Variants in LRPPRC observed in about 807,000 individuals in gnomAD.
LRPPRC encodes the protein leucine rich pentatricopeptide repeat containing.
Under a neutral mutation model 180.3 loss-of-function variants are expected in LRPPRC, and 120 were observed. The ratio of observed to expected loss-of-function variants is 0.67; its 90% CI spans 0.57 to 0.77. The LOEUF (loss-of-function observed/expected upper bound fraction) is 0.77. Among genes scored for constraint, LRPPRC ranks in the 30% least tolerant of loss-of-function variants. LRPPRC has a pLI of 0.00. For missense variants in LRPPRC, 2,012 were observed against 1,657.2 expected (o/e 1.21, Z -3.72); for synonymous variants, 723 against 600.0 (o/e 1.21, Z -3.00).
At chr2:43,909,748 G>A (rs1671192214) in intron 30 of LRPPRC, among the ~76,000 whole-genome samples, 2 of 152,106 alleles carry the variant, frequency 1.3e-5, no homozygotes, top group East Asian at 3.9e-4. Context: ...AACTCACTGA[G>A]ATAGATACAT....
At chr2:43,988,335 T>C (rs35827613) in intron 1 of LRPPRC, among the ~76,000 whole-genome samples, 4 of 151,172 alleles carry the variant, frequency 2.6e-5, no homozygotes, top group Admixed American at 6.6e-5. Flanking sequence ...TCGGGAGTTC[T>C]AGACCAGCCT....
At chr2:43,943,616 G>T in intron 23 of LRPPRC, 71 bp downstream of exon 23, 1 of 1,282,580 alleles carries the variant, frequency 7.8e-7, no homozygotes, top group South Asian at 1.2e-5. Context: ...TATTTATAAA[G>T]TATAATCCGA....
At chr2:43,948,881 GTT>G (rs369333710) in intron 16 of LRPPRC, among the ~76,000 whole-genome samples, 2 of 146,402 alleles carry the variant, frequency 1.4e-5, no homozygotes, top group African/African-American at 5.0e-5. Context: ...TTTCTATACT[GTT>G]TTTTTTTTGT....
intron 35 of LRPPRC, among the ~76,000 whole-genome samples, 189 bp from the exon 36 acceptor site, chr2:43,894,818 C>A (rs1205644746): frequency 6.6e-6 from 1 of 152,098 alleles, no homozygotes; most frequent in East Asian, 1.9e-4. Context: ...CTAAAAGAAA[C>A]CAGCATTTTT....
chr2:43,943,717 C>T lies in LRPPRC; in HGVS notation c.2474G>A (p.Ser825Asn), dbSNP rs768284328. 3 of 1,613,202 alleles carry T rather than the reference C, an allele frequency of 1.9e-6. No individual in the cohort carries two copies. The African/African-American group carries it at 4.0e-5, about 22-fold the overall frequency. ...CAAGTGTACAGTGACCAATGGGAAACTTATGTTGGTGGATGGTTCTGCTAA... is the reference window on the plus strand; with the variant it reads ...CAAGTGTACAGTGACCAATGGGAAATTTATGTTGGTGGATGGTTCTGCTAA... Reference protein sequence around the residue: ...LGLAEPSTNISFPLVTVHLEK... With the variant: ...LGLAEPSTNINFPLVTVHLEK... The change falls in exon 23 of 38, where the codon AGT (serine) becomes AAT (asparagine). Residue 825 changes from serine to asparagine, a missense_variant. Coordinates refer to ENST00000260665, the MANE Select transcript of LRPPRC (RefSeq NM_133259.4).
At chr2:43,978,637 C>T (rs190445545) in intron 3 of LRPPRC, among the ~76,000 whole-genome samples, 1 of 151,756 alleles carries the variant, frequency 6.6e-6, no homozygotes, top group Non-Finnish European at 1.5e-5. Context: ...AATCCTTTTC[C>T]ATTCTGAAAG....
intron 20 of LRPPRC, among the ~76,000 whole-genome samples, chr2:43,946,740 T>C (rs1672694928): frequency 6.6e-6 from 1 of 152,060 alleles, no homozygotes; most frequent in African/African-American, 2.4e-5. Flanking sequence ...TCAATTATAT[T>C]GAACTAGAAA....
chr2:43,941,769 T>C (rs543415100), intron 23 of LRPPRC, among the ~76,000 whole-genome samples: 4 of 144,468 alleles, frequency 2.8e-5, no homozygotes, highest in East Asian at 2.0e-4. Flanking sequence ...AAAGAGTCAA[T>C]AGCCCTTTTT....
intron 1 of LRPPRC, among the ~76,000 whole-genome samples, chr2:43,986,729 G>A (rs1162798893): frequency 6.6e-6 from 1 of 151,880 alleles, no homozygotes; most frequent in Non-Finnish European, 1.5e-5. Flanking sequence ...ATTCTGAAAC[G>A]AACTCAACGT....
chr2:43,927,813 G>A (rs1335028700), intron 25 of LRPPRC, among the ~76,000 whole-genome samples: 1 of 152,186 alleles, frequency 6.6e-6, no homozygotes, highest in African/African-American at 2.4e-5. Context: ...TTTTGAAATT[G>A]AGAACTGTTT....
chr2:43,928,848 T>G (rs949577769), intron 25 of LRPPRC, among the ~76,000 whole-genome samples: 6 of 152,118 alleles, frequency 3.9e-5, no homozygotes, highest in African/African-American at 1.4e-4. Context: ...GGGTTAGAGT[T>G]TGACCATCTG....
At chr2:43,985,568 T>C (rs1000568767) in intron 1 of LRPPRC, among the ~76,000 whole-genome samples, 1 of 152,220 alleles carries the variant, frequency 6.6e-6, no homozygotes, top group Non-Finnish European at 1.5e-5. Flanking sequence ...GAATGTCATA[T>C]AGTTGCATCA....
At chr2:43,941,837 T>TAAAAA (rs35278650) in intron 23 of LRPPRC, among the ~76,000 whole-genome samples, 1 of 92,814 alleles carries the variant, frequency 1.1e-5, no homozygotes, top group African/African-American at 4.0e-5. Flanking sequence ...CAAAGTAGTC[T>TAAAAA]AAAAAAAAAA....
chr2:43,963,498 G>C (rs1356026956), intron 12 of LRPPRC, 90 bp downstream of exon 12: 2 of 870,090 alleles, frequency 2.3e-6, no homozygotes, highest in African/African-American at 3.3e-5. Flanking sequence ...TGAGTCCTCA[G>C]TTCAATGACT....
intron 6 of LRPPRC, among the ~76,000 whole-genome samples, chr2:43,975,465 A>T (rs1423484935): frequency 6.6e-6 from 1 of 152,194 alleles, no homozygotes; most frequent in Non-Finnish European, 1.5e-5. Flanking sequence ...TCTTAATATT[A>T]TGTAGGTTAT....
intron 25 of LRPPRC, among the ~76,000 whole-genome samples, chr2:43,929,320 T>C (rs1180946004): frequency 6.6e-6 from 1 of 152,242 alleles, no homozygotes; most frequent in East Asian, 1.9e-4. Flanking sequence ...TTTATGTACT[T>C]CGTTACTTCG....
intron 1 of LRPPRC, among the ~76,000 whole-genome samples, chr2:43,988,010 G>A (rs1297388842): frequency 1.3e-5 from 2 of 152,074 alleles, no homozygotes; most frequent in East Asian, 1.9e-4. Context: ...TTTGGAGGCC[G>A]AGGTAGGCAG....
chr2:43,915,198 ACTCT>A (rs142492838), intron 29 of LRPPRC, among the ~76,000 whole-genome samples: 1,737 of 63,358 alleles, frequency 0.027, 58 homozygotes, highest in Non-Finnish European at 0.054. Context: ...ACAGAACAAG[ACTCT>A]CTCTCTCTCT....
In LRPPRC at chr2:43,946,263, T is replaced by A; in HGVS notation, c.2080-20A>T. Reference sequence around the variant, plus strand: ...CATATTCTAAAATACAGCATAGATGTGAAAAAGAAGAAATCAGTGTGAAGG... The same window carrying A: ...CATATTCTAAAATACAGCATAGATGAGAAAAAGAAGAAATCAGTGTGAAGG... On this transcript the variant is annotated intron_variant, in intron 20 of 37. Transcript: ENST00000260665. 1 of 1,601,888 alleles carries A rather than the reference T, an allele frequency of 6.2e-7. No individual in the cohort carries two copies. Among genetic ancestry groups the A allele is most frequent in the South Asian group, 1.1e-5 (1 of 90,794 alleles).
Sources: allele counts gnomAD v4.1 joint callset (sites outside exome capture counted in the v4.1 genomes callset), GRCh38; gene constraint gnomAD v4.1.1; transcripts MANE v1.5; gene names NCBI Gene and HGNC (gene_info 2026-07-23, HGNC 2026-07-21).